The following ARL6 variants were observed in gnomAD, a reference collection of about 807,000 sequenced individuals.
ARL6 encodes ARF like GTPase 6.
Under a neutral mutation model 27.1 loss-of-function variants are expected in ARL6, and 18 were observed. The observed-to-expected ratio is 0.66, with a 90% CI of 0.46 to 0.98. ARL6 has a LOEUF of 0.98. ARL6 is among the 50% of genes least tolerant of loss of function. ARL6 has a pLI of 0.00. For synonymous variants in ARL6, 65 were observed against 72.3 expected, an observed-to-expected ratio of 0.90 and a Z score of 0.51; for missense variants, 187 against 214.9, an observed-to-expected ratio of 0.87 and a Z score of 0.81.
At chr3:97,778,620 A>G (rs2037025446) in intron 2 of ARL6, among the ~76,000 whole-genome samples, 1 of 152,154 alleles carries the variant, frequency 6.6e-6, no homozygotes, top group South Asian at 2.1e-4. Flanking sequence ...TGGGGAAGAG[A>G]CTGAAATCAG....
At chr3:97,778,019 A>G (rs1014082155) in intron 2 of ARL6, among the ~76,000 whole-genome samples, 2 of 152,184 alleles carry the variant, frequency 1.3e-5, no homozygotes, top group African/African-American at 4.8e-5. Context: ...CAGGGTTGCT[A>G]TTTTAATATA....
intron 6 of ARL6, among the ~76,000 whole-genome samples, chr3:97,788,711 A>C (rs2037581050): frequency 6.6e-6 from 1 of 152,194 alleles, no homozygotes; most frequent in Non-Finnish European, 1.5e-5. Context: ...TTACTTAGAC[A>C]TCCTAATAAG....
chr3:97,764,684 A>G (rs2036275910), upstream of ARL6: 1 of 152,278 alleles, frequency 6.6e-6, no homozygotes, highest in African/African-American at 2.4e-5. Context: ...CAACGGCTGA[A>G]TCGCCAGGAC....
chr3:97,780,002 A>G (rs2037110865), intron 2 of ARL6, among the ~76,000 whole-genome samples, 157 bp from the exon 3 acceptor site: 2 of 152,228 alleles, frequency 1.3e-5, no homozygotes, highest in African/African-American at 4.8e-5. Flanking sequence ...TAAAGAATTC[A>G]CACAGAGTGA....
Position 97,798,886 on chromosome 3 carries a change from A to G in ARL6, c.*837A>G, listed in dbSNP as rs1449619071. 1 of 152,126 alleles carries G rather than the reference A, an allele frequency of 6.6e-6. No homozygotes were observed. Among genetic ancestry groups the G allele is most frequent in the Non-Finnish European group, 1.5e-5 (1 of 67,952 alleles). 9.4% of individuals were successfully genotyped at this position (152,126 alleles called of 1,614,324 possible). On this transcript the variant is annotated 3_prime_UTR_variant, in exon 8 of 8. Transcript: ENST00000463745. ...AATATTTGACTGTTCAGTAATCATT[A>G]CTGACATCTTGTTTTTCACTTTTAA...
rs1340441524 is a variant in ARL6 at position 97,799,694 on chromosome 3, T to C, written c.*1645T>C. 1 of 152,138 alleles carries C rather than the reference T, an allele frequency of 6.6e-6. No homozygotes were observed. Among genetic ancestry groups the C allele is most frequent in the African/African-American group, 2.4e-5 (1 of 41,472 alleles). 9.4% of individuals were successfully genotyped at this position (152,138 alleles called of 1,614,324 possible). On this transcript the variant is annotated 3_prime_UTR_variant, in exon 8 of 8. Coordinates refer to ENST00000463745, the MANE Select transcript of ARL6 (RefSeq NM_001278293.3). ...TATTACACATACAGAATTTTCAACA[T>C]TTAATCCTCCCAATAAGCCTATGTG...
chr3:97,788,190 A>C, intron 6 of ARL6, 71 bp downstream of exon 6: 1 of 1,503,760 alleles, frequency 6.6e-7, no homozygotes, highest in South Asian at 1.2e-5. Context: ...GTTTCTTCTG[A>C]TCTCATTTTT....
At chr3:97,771,753 GA>G (rs2107994651) in intron 2 of ARL6, among the ~76,000 whole-genome samples, 1 of 152,160 alleles carries the variant, frequency 6.6e-6, no homozygotes, top group East Asian at 1.9e-4. Context: ...AAGAGATGTT[GA>G]ATTTTATCAA....
At position 97,797,529 on chromosome 3, in the gene ARL6, T is replaced by G. The variant is rs531466337; in HGVS notation, c.536-495T>G. Among the ~76,000 whole-genome samples, 3 of 152,244 alleles carry G rather than the reference T, an allele frequency of 2.0e-5. No individual in the cohort carries two copies. In the East Asian group the frequency reaches 5.8e-4, roughly 29 times the overall value. On this transcript the variant is annotated intron_variant, in intron 7 of 7. Coordinates refer to ENST00000463745, the MANE Select transcript of ARL6 (RefSeq NM_001278293.3). Reference sequence around the variant, plus strand: ...CAGCATGGGAGTGTGAGAGAGCTGATGTCTCATATTACATTGAAGGAAATG... The same window carrying G: ...CAGCATGGGAGTGTGAGAGAGCTGAGGTCTCATATTACATTGAAGGAAATG...
rs1452624880 is a variant in ARL6, at chr3:97,764,781, GCA to G, written c.-221_-220del. 6.6e-6 allele frequency: 1 copy of G among 152,310 alleles called. No individual in the cohort carries two copies. The highest frequency in any genetic ancestry group is 2.4e-5 in the African/African-American group (1 of 41,458). 9.4% of individuals were successfully genotyped at this position (152,310 alleles called of 1,614,324 possible). A position where few individuals can be genotyped will look rare whatever the true frequency, so the allele number is the denominator to read the frequency against. ...CCAAGGCGCCTGCTCAGCGACTGAT[GCA>G]CAGACTGCTGCAGAGGCTGCCGGTT... On this transcript the variant is annotated 5_prime_UTR_variant, in exon 1 of 8. The change creates a premature stop within an existing upstream ORF in the 5' untranslated region. Transcript: ENST00000463745.
At chr3:97,765,978 T>C (rs994058363) in intron 1 of ARL6, 3 of 152,220 alleles carry the variant, frequency 2.0e-5, no homozygotes, top group Non-Finnish European at 4.4e-5. Context: ...ATAAATGTGA[T>C]TACCTCTTTT....
At position 97,779,875 on chromosome 3, in the gene ARL6, A is replaced by C. The variant is rs969811808; in HGVS notation, c.124-284A>C. On this transcript the variant is annotated intron_variant, in intron 2 of 7. Coordinates refer to ENST00000463745, the MANE Select transcript of ARL6 (RefSeq NM_001278293.3). Reference sequence around the variant, plus strand: ...AGTGAGACTCTATCTCAAAAAAAAAAAAAACACTTATTAAACCACTTATAA... The same window carrying C: ...AGTGAGACTCTATCTCAAAAAAAAACAAAACACTTATTAAACCACTTATAA... 2.6e-5 allele frequency among the ~76,000 whole-genome samples: 4 copies of C among 152,082 alleles called. No homozygotes were observed. In the East Asian group the frequency reaches 7.7e-4, roughly 29 times the overall value.
chr3:97,785,269 T>C (rs921439837), intron 5 of ARL6, among the ~76,000 whole-genome samples: 1 of 150,858 alleles, frequency 6.6e-6, no homozygotes, highest in Non-Finnish European at 1.5e-5. Flanking sequence ...GTTTTTGGGG[T>C]GTCTAACATT....
intron 7 of ARL6, among the ~76,000 whole-genome samples, chr3:97,793,683 C>CT (rs1423289046): frequency 1.3e-5 from 2 of 152,074 alleles, no homozygotes; most frequent in Admixed American, 1.3e-4. Context: ...ATTTTTGTTT[C>CT]TTTCACTTTT....
At chr3:97,786,488 A>G (rs1473626599) in intron 5 of ARL6, among the ~76,000 whole-genome samples, 1 of 152,308 alleles carries the variant, frequency 6.6e-6, no homozygotes, top group East Asian at 1.9e-4. Flanking sequence ...ATATACTTCA[A>G]ACAATGGGGA....
At chr3:97,782,103 T>C (rs1576454276) in intron 4 of ARL6, among the ~76,000 whole-genome samples, 1 of 152,104 alleles carries the variant, frequency 6.6e-6, no homozygotes, top group Admixed American at 6.5e-5. Flanking sequence ...AAAGGAAAAG[T>C]GGCATGTTTG....
intron 3 of ARL6, 107 bp from the exon 4 acceptor site, chr3:97,780,508 G>T (rs1274035832): frequency 2.9e-5 from 26 of 900,448 alleles, no homozygotes; most frequent in South Asian, 7.2e-5. Flanking sequence ...GGCACATGTT[G>T]AATATTGCAT....
intron 7 of ARL6, chr3:97,792,098 G>A (rs1223994180): frequency 5.3e-6 from 2 of 376,058 alleles, no homozygotes; most frequent in African/African-American, 4.1e-5. Flanking sequence ...ATAGCAACAA[G>A]TTCCTGTCAG....
At chr3:97,773,477 A>G (rs528445303) in intron 2 of ARL6, among the ~76,000 whole-genome samples, 1 of 151,974 alleles carries the variant, frequency 6.6e-6, no homozygotes, top group African/African-American at 2.4e-5. Flanking sequence ...TCACAAGTCC[A>G]CCCCTTGTCA....
Sources: allele counts gnomAD v4.1 joint callset (sites outside exome capture counted in the v4.1 genomes callset), GRCh38; gene constraint gnomAD v4.1.1; transcripts MANE v1.5; gene names NCBI Gene and HGNC (gene_info 2026-07-23, HGNC 2026-07-21).